DLG2: variants seen among roughly 807,000 people sequenced by gnomAD.
DLG2 encodes discs large MAGUK scaffold protein 2.
In DLG2, 45 loss-of-function variants were observed where a neutral mutation model predicts 132.5. That is an observed-to-expected ratio of 0.34 (90% CI 0.27 to 0.44). The LOEUF (loss-of-function observed/expected upper bound fraction) is 0.44. DLG2 is among the 20% of genes least tolerant of loss of function. The probability of loss-of-function intolerance (pLI) is 1.00; values close to 1 mark genes in which losing one functional copy is unlikely to be tolerated. For synonymous variants in DLG2, 424 were observed against 419.6 expected (o/e 1.01, Z -0.13); for missense variants, 1,045 against 1,196.9 (o/e 0.87, Z 1.87).
intron 7 of DLG2, among the ~76,000 whole-genome samples, chr11:84,417,148 A>G (rs749498905): frequency 2.0e-5 from 3 of 152,176 alleles, no homozygotes; most frequent in Non-Finnish European, 2.9e-5. Flanking sequence ...TTACTGAATA[A>G]ATGGATGGAT....
intron 4 of DLG2, among the ~76,000 whole-genome samples, chr11:85,227,653 C>T (rs565470267): frequency 1.2e-4 from 19 of 152,208 alleles, no homozygotes; most frequent in Non-Finnish European, 2.6e-4. Context: ...CACAGTGATA[C>T]CACAGAATAT....
At chr11:85,352,623 T>C (rs555616557) in intron 3 of DLG2, among the ~76,000 whole-genome samples, 72 of 152,314 alleles carry the variant, frequency 4.7e-4, no homozygotes, top group African/African-American at 1.7e-3. Context: ...AGCATGGTAC[T>C]GGTACCAAAA....
intron 11 of DLG2, among the ~76,000 whole-genome samples, chr11:84,046,460 A>C (rs770417108): frequency 3.3e-5 from 5 of 151,440 alleles, no homozygotes; most frequent in African/African-American, 4.8e-5. Context: ...ACTACTAAAA[A>C]CTCAATGACT....
intron 8 of DLG2, among the ~76,000 whole-genome samples, chr11:84,234,928 A>T (rs2097139937): frequency 6.6e-6 from 1 of 152,218 alleles, no homozygotes; most frequent in Non-Finnish European, 1.5e-5. Context: ...ATGATCCAAG[A>T]GAGAATTAAC....
In DLG2 at chr11:85,504,209, T is replaced by G. The variant is rs539215710; in HGVS notation, c.40+94448A>C. Among the ~76,000 whole-genome samples, 130 of 152,248 alleles carry G rather than the reference T, an allele frequency of 8.5e-4. 1 individual carries two copies. Among genetic ancestry groups the G allele is most frequent in the Admixed American group, 2.0e-3 (30 of 15,288 alleles). ...TTTCTTTTGCTGTGCAGAAGCTCTT[T>G]AGTTTAATTAGATCCCATTTGTCAA... On this transcript the variant is annotated intron_variant, in intron 3 of 27. Transcript: ENST00000376104.
At chr11:84,686,795 G>A (rs1300016016) in intron 6 of DLG2, 4 of 151,980 alleles carry the variant, frequency 2.6e-5, no homozygotes, top group Non-Finnish European at 4.4e-5. Context: ...TGGTTGGGGG[G>A]TGGCGCAGAA....
In DLG2 at chr11:83,746,106, G is replaced by A. The variant is rs566191127; in HGVS notation, c.1825+40584C>T. Among the ~76,000 whole-genome samples, 295 of 152,256 alleles carry A rather than the reference G, an allele frequency of 1.9e-3. 1 individual carries two copies. Among genetic ancestry groups the A allele is most frequent in the Middle Eastern group, 0.014 (4 of 294 alleles). Reference sequence around the variant, plus strand: ...GTGCTGGAGAGGATGTGGAGAAATAGGAACACTTTTACACTGTTGGTGGGA... The same window carrying A: ...GTGCTGGAGAGGATGTGGAGAAATAAGAACACTTTTACACTGTTGGTGGGA... On this transcript the variant is annotated intron_variant, in intron 18 of 27. Transcript: ENST00000376104.
chr11:85,398,936 T>C (rs1200118275), intron 3 of DLG2, among the ~76,000 whole-genome samples: 2 of 151,698 alleles, frequency 1.3e-5, no homozygotes, highest in Admixed American at 6.6e-5. Flanking sequence ...CCAGGGCAAT[T>C]AGGCAGGAGA....
At chr11:84,907,768 C>T (rs925770899) in intron 6 of DLG2, among the ~76,000 whole-genome samples, 9 of 152,112 alleles carry the variant, frequency 5.9e-5, no homozygotes, top group African/African-American at 2.2e-4. Context: ...TTTGCATTCT[C>T]CCAAGACAAT....
At chr11:85,521,867 T>C (rs2074339163) in intron 3 of DLG2, among the ~76,000 whole-genome samples, 1 of 152,074 alleles carries the variant, frequency 6.6e-6, no homozygotes, top group South Asian at 2.1e-4. Flanking sequence ...GCAGAACACA[T>C]TTCTAAGTGG....
In DLG2 at chr11:83,730,146, G is replaced by T. The variant is rs868556789; in HGVS notation, c.1825+56544C>A. Among the ~76,000 whole-genome samples, 478 of 110,946 alleles carry T rather than the reference G, an allele frequency of 4.3e-3. 2 individuals carry two copies. The highest frequency in any genetic ancestry group is 0.012 in the South Asian group (40 of 3,310). The allele number at this position is 110,946 out of a possible 152,430, so 72.8% of individuals were successfully genotyped here. On this transcript the variant is annotated intron_variant, in intron 18 of 27. Transcript: ENST00000376104. ...ATTTCCTTCTAGGTGTTTTTTTATG[G>T]TTTTTTTTTTTTTTTTTTTTTACAA...
chr11:85,162,996 A>G (rs918306952), intron 4 of DLG2, among the ~76,000 whole-genome samples: 1 of 152,198 alleles, frequency 6.6e-6, no homozygotes, highest in Non-Finnish European at 1.5e-5. Context: ...GCACAGCTAG[A>G]ATATAAAGCA....
intron 7 of DLG2, among the ~76,000 whole-genome samples, chr11:84,402,526 T>A (rs1264654587): frequency 6.6e-6 from 1 of 151,792 alleles, no homozygotes. Flanking sequence ...TCCATTCACA[T>A]CATTTCATGA....
At chr11:84,231,490 G>A (rs941178001) in intron 8 of DLG2, among the ~76,000 whole-genome samples, 1 of 152,020 alleles carries the variant, frequency 6.6e-6, no homozygotes, top group African/African-American at 2.4e-5. Context: ...ACTGAAGGAC[G>A]GGTAGGAGAT....
At chr11:84,039,383 C>G (rs1361990648) in intron 11 of DLG2, among the ~76,000 whole-genome samples, 1 of 125,076 alleles carries the variant, frequency 8.0e-6, no homozygotes, top group African/African-American at 3.1e-5. Flanking sequence ...CCCCACCCCA[C>G]AACAGTCCCC....
At chr11:83,507,720 G>A (rs116005094) in intron 21 of DLG2, among the ~76,000 whole-genome samples, 1,807 of 139,344 alleles carry the variant, frequency 0.013, 34 homozygotes, top group African/African-American at 0.044. Context: ...CCAGGGATGC[G>A]ATATTGTTTT....
chr11:84,655,587 A>G (rs575841245), intron 6 of DLG2, among the ~76,000 whole-genome samples: 1 of 152,252 alleles, frequency 6.6e-6, no homozygotes, highest in South Asian at 2.1e-4. Context: ...CACCAGAAGA[A>G]AGAACATCAG....
chr11:84,542,548 A>C (rs1353017207), intron 6 of DLG2, among the ~76,000 whole-genome samples: 1 of 152,184 alleles, frequency 6.6e-6, no homozygotes, highest in African/African-American at 2.4e-5. Context: ...GTGTGTGTCC[A>C]ATAGGCCTGT....
intron 6 of DLG2, among the ~76,000 whole-genome samples, chr11:84,850,946 T>G (rs2082094837): frequency 6.6e-6 from 1 of 152,138 alleles, no homozygotes; most frequent in Admixed American, 6.6e-5. Flanking sequence ...CTTAATACTG[T>G]TAAGATAACA....
Sources: gnomAD v4.1 joint callset for allele counts (sites outside exome capture counted in the v4.1 genomes callset) on GRCh38, gnomAD v4.1.1 for gene constraint, MANE v1.5 for transcripts, NCBI Gene and HGNC (gene_info 2026-07-23, HGNC 2026-07-21) for gene names.